WDR19: variants seen among roughly 807,000 people sequenced by gnomAD.
WDR19 encodes the protein WD repeat domain 19, also known as WD repeat-containing protein 19.
In WDR19, 121 loss-of-function variants were observed where a neutral mutation model predicts 180.0. The observed-to-expected ratio is 0.67, with a 90% CI of 0.58 to 0.78. The LOEUF (loss-of-function observed/expected upper bound fraction) is 0.78. WDR19 is among the 30% of genes least tolerant of loss of function. The pLI, the probability that WDR19 is intolerant of heterozygous loss-of-function variation, is 0.00. For missense variants in WDR19, 1,450 were observed against 1,640.7 expected, an observed-to-expected ratio of 0.88 and a Z score of 2.01; for synonymous variants, 497 against 540.7, an observed-to-expected ratio of 0.92 and a Z score of 1.12.
chr4:39,186,612 C>A lies in WDR19; in HGVS notation c.164+8C>A. ...TGAAATTAACTTACCTGGGTAAGTA[C>A]AGAAGTAGATTTAAAAAAACCTGTC... On this transcript the variant is annotated splice_region_variant and intron_variant, in intron 3 of 36. Transcript: ENST00000399820. 1 of 1,528,352 alleles carries A rather than the reference C, an allele frequency of 6.5e-7. No homozygotes were observed. Among genetic ancestry groups the A allele is most frequent in the East Asian group, 2.4e-5 (1 of 42,334 alleles). The allele number at this position is 1,528,352 out of a possible 1,614,324, so 94.7% of individuals were successfully genotyped here.
intron 36 of WDR19, among the ~76,000 whole-genome samples, chr4:39,283,557 T>C (rs947135866): frequency 6.6e-6 from 1 of 152,168 alleles, no homozygotes; most frequent in East Asian, 1.9e-4. Context: ...TTTTTACCTA[T>C]GTTTTTACAA....
At chr4:39,200,402 C>T (rs1727247003) in intron 6 of WDR19, among the ~76,000 whole-genome samples, 1 of 152,190 alleles carries the variant, frequency 6.6e-6, no homozygotes, top group East Asian at 1.9e-4. Context: ...AAAGTCTCTA[C>T]AAGCCTGCAA....
intron 28 of WDR19, among the ~76,000 whole-genome samples, chr4:39,262,717 G>C (rs1054089444): frequency 6.6e-6 from 1 of 152,062 alleles, no homozygotes; most frequent in Non-Finnish European, 1.5e-5. Context: ...AATGGTCTAA[G>C]CACTTTGAAT....
At chr4:39,195,695 G>C (rs916128559) in intron 5 of WDR19, among the ~76,000 whole-genome samples, 2 of 152,130 alleles carry the variant, frequency 1.3e-5, no homozygotes, top group Non-Finnish European at 2.9e-5. Context: ...ATTGCATCCA[G>C]GTGGCCAGGA....
intron 24 of WDR19, among the ~76,000 whole-genome samples, chr4:39,245,750 A>T (rs1485362563): frequency 6.6e-6 from 1 of 152,226 alleles, no homozygotes; most frequent in East Asian, 1.9e-4. Flanking sequence ...TTTATTAAGA[A>T]GGATTATTAT....
chr4:39,273,861 CATG>C (rs1221141782), intron 32 of WDR19: 1 of 152,186 alleles, frequency 6.6e-6, no homozygotes. Flanking sequence ...AAAGACATGT[CATG>C]ATAACATTCT....
chr4:39,213,981 GAGA>G (rs1487645133), intron 9 of WDR19, among the ~76,000 whole-genome samples: 3 of 152,204 alleles, frequency 2.0e-5, no homozygotes, highest in Non-Finnish European at 4.4e-5. Flanking sequence ...TGGAAGAGAA[GAGA>G]AGGAGAAAAG....
At chr4:39,265,718 G>A (rs1476894634) in intron 28 of WDR19, among the ~76,000 whole-genome samples, 1 of 142,736 alleles carries the variant, frequency 7.0e-6, no homozygotes, top group African/African-American at 2.6e-5. Flanking sequence ...ATTGCAGTGA[G>A]CCAAGATCAT....
At chr4:39,249,338 C>T (rs1386659938) in intron 24 of WDR19, among the ~76,000 whole-genome samples, 1 of 151,628 alleles carries the variant, frequency 6.6e-6, no homozygotes, top group Non-Finnish European at 1.5e-5. Context: ...GGGACACATT[C>T]AAAGCAGTGT....
intron 14 of WDR19, 166 bp downstream of exon 14, chr4:39,218,271 G>C: frequency 1.1e-6 from 1 of 894,534 alleles, no homozygotes; most frequent in Non-Finnish European, 1.7e-6. Context: ...TTTGCAGTGG[G>C]GATACATTCT....
In WDR19 at chr4:39,231,955, A is replaced by G; in HGVS notation, c.2141A>G (p.Lys714Arg). ...ATAGTGATGTCCTTGGAACAAATAAAGGTAAACAGCATGTTATAGAATTAT... is the reference window on the plus strand; with the variant it reads ...ATAGTGATGTCCTTGGAACAAATAAGGGTAAACAGCATGTTATAGAATTAT... ...VGIVMSLEQI[K>R]GIEDYNLLAG... Residue 714 changes from lysine (K) to arginine (R), a missense_variant and splice_region_variant, in exon 18 of 37, where the codon AAG (lysine) becomes AGG (arginine). Physicochemically the swap from Lys to Arg is conservative, Grantham distance 26. Transcript: ENST00000399820. The G allele has an allele frequency of 6.2e-7, 1 of 1,611,552 alleles. No homozygotes were observed. Among genetic ancestry groups the G allele is most frequent in the South Asian group, 1.1e-5 (1 of 90,974 alleles).
intron 23 of WDR19, 63 bp downstream of exon 23, chr4:39,244,615 C>G: frequency 6.4e-7 from 1 of 1,569,722 alleles, no homozygotes. Flanking sequence ...CTGGGGTCTC[C>G]CCACTTGCCT....
chr4:39,271,265 G>T (rs1241321226), intron 31 of WDR19, among the ~76,000 whole-genome samples: 1 of 152,146 alleles, frequency 6.6e-6, no homozygotes, highest in Non-Finnish European at 1.5e-5. Flanking sequence ...TAATAGTGTT[G>T]TATATATTCT....
intron 15 of WDR19, among the ~76,000 whole-genome samples, chr4:39,226,351 GT>G (rs1439529018): frequency 1.3e-5 from 2 of 152,118 alleles, no homozygotes; most frequent in Non-Finnish European, 2.9e-5. Flanking sequence ...CAGTTTTTCT[GT>G]CTGTCTAAGA....
intron 36 of WDR19, among the ~76,000 whole-genome samples, chr4:39,280,856 T>C (rs1023952233): frequency 6.6e-6 from 1 of 152,168 alleles, no homozygotes; most frequent in Non-Finnish European, 1.5e-5. Flanking sequence ...AGTTTTATAG[T>C]CATTACTCTT....
At chr4:39,200,150 T>C (rs1448587817) in intron 6 of WDR19, among the ~76,000 whole-genome samples, 1 of 152,276 alleles carries the variant, frequency 6.6e-6, no homozygotes, top group Non-Finnish European at 1.5e-5. Flanking sequence ...TTTGGACTAC[T>C]GCTTATGATT....
chr4:39,254,433 G>T (rs955135266), intron 26 of WDR19, among the ~76,000 whole-genome samples: 15 of 152,090 alleles, frequency 9.9e-5, no homozygotes, highest in African/African-American at 3.1e-4. Context: ...GCTTACTTTG[G>T]TGAACAGTGA....
In WDR19 at chr4:39,245,361, C is replaced by T. The variant is rs1174650732; in HGVS notation, c.2646-8C>T. 6.2e-7 allele frequency: 1 copy of T among 1,612,168 alleles called. No individual in the cohort carries two copies. The highest frequency in any genetic ancestry group is 8.5e-7 in the Non-Finnish European group (1 of 1,179,058). On this transcript the variant is annotated splice_polypyrimidine_tract_variant and splice_region_variant and intron_variant, in intron 23 of 36. Coordinates refer to ENST00000399820, the MANE Select transcript of WDR19 (RefSeq NM_025132.4). Reference sequence around the variant, plus strand: ...ACTCATACTGTTCTCCTGGACCTACCTTTCCAGGGCAAAAGTTGGTGATCT... The same window carrying T: ...ACTCATACTGTTCTCCTGGACCTACTTTTCCAGGGCAAAAGTTGGTGATCT...
At chr4:39,246,365 T>C (rs1045515947) in intron 24 of WDR19, among the ~76,000 whole-genome samples, 1 of 151,700 alleles carries the variant, frequency 6.6e-6, no homozygotes, top group African/African-American at 2.4e-5. Context: ...AATAAAAAAT[T>C]TGGGGGGTGG....
Sources: allele counts gnomAD v4.1 joint callset (sites outside exome capture counted in the v4.1 genomes callset), GRCh38; gene constraint gnomAD v4.1.1; transcripts MANE v1.5; gene names NCBI Gene and HGNC (gene_info 2026-07-23, HGNC 2026-07-21).